The following TTC23L variants were observed in gnomAD, a reference collection of about 807,000 sequenced individuals.
TTC23L encodes the protein tetratricopeptide repeat protein 23-like.
In TTC23L, 42 loss-of-function variants were observed where a neutral mutation model predicts 48.1. The ratio of observed to expected loss-of-function variants is 0.87; its 90% CI spans 0.68 to 1.13. The LOEUF (loss-of-function observed/expected upper bound fraction) is 1.13. TTC23L is among the 50% of genes most tolerant of loss of function. TTC23L has a pLI of 0.00. For missense variants in TTC23L, 391 were observed against 421.0 expected (o/e 0.93, Z 0.62); for synonymous variants, 159 against 157.2 (o/e 1.01, Z -0.09).
the TTC23L span, chr5:34,918,263 C>T: frequency 2.2e-5 from 13 of 592,702 alleles, no homozygotes; most frequent in African/African-American, 7.8e-5. Context: ...TGCAGTGAGC[C>T]GTGAGCACTT....
the TTC23L span, chr5:34,905,164 C>T: frequency 1.3e-5 from 2 of 152,146 alleles, no homozygotes; most frequent in Non-Finnish European, 2.9e-5. Flanking sequence ...GTGCTTGTAA[C>T]CTGATTCTAG....
At chr5:34,908,925 G>A in the TTC23L span, 1 of 1,607,038 alleles carries the variant, frequency 6.2e-7, no homozygotes, top group Non-Finnish European at 8.5e-7. Flanking sequence ...CTTTGTAGAG[G>A]GTTTCAGTAA....
chr5:34,868,932 A>C lies in TTC23L; in HGVS notation c.868A>C (p.Thr290Pro), dbSNP rs369277666. 2.5e-6 allele frequency: 4 copies of C among 1,610,198 alleles called. No individual in the cohort carries two copies. The African/African-American group carries it at 5.3e-5, about 22-fold the overall frequency. Residue 290 changes from threonine (T) to proline (P), a missense_variant, in exon 8 of 11, where the codon ACT becomes CCT. Physicochemically the swap from Thr to Pro is conservative, Grantham distance 38 (BLOSUM62 -1). Transcript: ENST00000505624. ...TCATTCTGTCTGTGTTTCTTTGTTC[A>C]CTGAAGTCAGCCCCAAAACTGCAGA... is the stretch of plus-strand genomic sequence containing the variant.
At chr5:34,860,104 C>T (rs1426598616) in intron 4 of TTC23L, among the ~76,000 whole-genome samples, 1 of 152,070 alleles carries the variant, frequency 6.6e-6, no homozygotes, top group Non-Finnish European at 1.5e-5. Context: ...GCCTCGGCCT[C>T]CCAAAGTGCT....
chr5:34,915,786 G>C, the TTC23L span: 4 of 1,596,686 alleles, frequency 2.5e-6, no homozygotes, highest in South Asian at 3.4e-5. Flanking sequence ...CAGTTCAGGC[G>C]AAGAAGCCAA....
chr5:34,843,189 C>T (rs6884034), intron 2 of TTC23L, among the ~76,000 whole-genome samples: 3,184 of 152,262 alleles, frequency 0.021, 106 homozygotes, highest in African/African-American at 0.071. Flanking sequence ...ATAAAAATGT[C>T]AAGTTCACAG....
intron 4 of TTC23L, among the ~76,000 whole-genome samples, chr5:34,854,872 G>A (rs1759991624): frequency 6.6e-6 from 1 of 152,200 alleles, no homozygotes; most frequent in Admixed American, 6.5e-5. Flanking sequence ...ATAACTATGA[G>A]GGAAGGCAGT....
At chr5:34,883,323 A>G (rs1200793458) in intron 9 of TTC23L, 1 of 152,970 alleles carries the variant, frequency 6.5e-6, no homozygotes, top group Non-Finnish European at 1.5e-5. Flanking sequence ...AACAGAATAA[A>G]TATGTGTTTG....
chr5:34,915,732 A>T, the TTC23L span: 2 of 1,596,928 alleles, frequency 1.3e-6, no homozygotes, highest in African/African-American at 2.7e-5. Flanking sequence ...GCGGGCGGCG[A>T]GGCAAGATGG....
chr5:34,896,562 G>C (rs1763240832), intron 9 of TTC23L, among the ~76,000 whole-genome samples: 3 of 152,230 alleles, frequency 2.0e-5, no homozygotes, highest in Admixed American at 2.0e-4. Flanking sequence ...GCCAGGTGCA[G>C]TTAGAGCTGC....
chr5:34,850,107 C>T, intron 3 of TTC23L, 78 bp from the exon 4 acceptor site: 1 of 1,509,784 alleles, frequency 6.6e-7, no homozygotes, highest in Non-Finnish European at 9.1e-7. Context: ...GAATTCAGTC[C>T]TGTGTTCCAG....
At chr5:34,909,093 C>A in the TTC23L span, 1 of 964,184 alleles carries the variant, frequency 1.0e-6, no homozygotes. Context: ...AAAATTCATT[C>A]ACTGTTAGAA....
At chr5:34,915,504 T>G in the TTC23L span, 2 of 438,362 alleles carry the variant, frequency 4.6e-6, no homozygotes, top group South Asian at 4.1e-5. Flanking sequence ...GCGGAGGAAG[T>G]GAAGCCAGTC....
At chr5:34,849,036 T>C (rs1167054353) in intron 3 of TTC23L, among the ~76,000 whole-genome samples, 1 of 152,230 alleles carries the variant, frequency 6.6e-6, no homozygotes, top group Non-Finnish European at 1.5e-5. Context: ...CAATTCATTT[T>C]TCTGAAAGCT....
chr5:34,911,930 A>G, the TTC23L span: 1 of 1,180,392 alleles, frequency 8.5e-7, no homozygotes, highest in East Asian at 2.4e-5. Flanking sequence ...TCTCACATAT[A>G]TGTATCTCCT....
chr5:34,884,871 T>C (rs1762454901), intron 9 of TTC23L, among the ~76,000 whole-genome samples: 1 of 152,218 alleles, frequency 6.6e-6, no homozygotes, highest in Non-Finnish European at 1.5e-5. Flanking sequence ...AAAGCAGCAA[T>C]TGACATCCCT....
chr5:34,877,414 CTTTCTTTCTTTCTTTTTTCT>C (rs1181120425), intron 8 of TTC23L, among the ~76,000 whole-genome samples: 5 of 64,062 alleles, frequency 7.8e-5, no homozygotes, highest in African/African-American at 3.0e-4. Flanking sequence ...ATTCTTTTTT[CTTTCTTTCTTTCTTTTTTCT>C]TTTTTTGAGA....
At chr5:34,913,807 G>A in the TTC23L span, 1 of 532,020 alleles carries the variant, frequency 1.9e-6, no homozygotes, top group Non-Finnish European at 3.5e-6. Flanking sequence ...TCGTTTTTGT[G>A]CCTATCACTA....
chr5:34,923,026 C>G, the TTC23L span: 1 of 1,543,858 alleles, frequency 6.5e-7, no homozygotes, highest in Non-Finnish European at 9.0e-7. Flanking sequence ...CCACATTATG[C>G]TTTGTTAAAA....
Sources: gnomAD v4.1 joint callset for allele counts (sites outside exome capture counted in the v4.1 genomes callset) on GRCh38, gnomAD v4.1.1 for gene constraint, MANE v1.5 for transcripts, NCBI Gene and HGNC (gene_info 2026-07-23, HGNC 2026-07-21) for gene names.